The following GMDS variants were observed in gnomAD, a reference collection of about 807,000 sequenced individuals.
GMDS encodes the protein GDP-mannose 4,6 dehydratase.
Under a neutral mutation model 49.9 loss-of-function variants are expected in GMDS, and 20 were observed. The observed-to-expected ratio is 0.40, with a 90% CI of 0.28 to 0.58. GMDS has a LOEUF of 0.58. Among genes scored for constraint, GMDS ranks in the 20% least tolerant of loss-of-function variants. GMDS has a pLI of 0.42. For synonymous variants in GMDS, 177 were observed against 178.6 expected, an observed-to-expected ratio of 0.99 and a Z score of 0.07; for missense variants, 362 against 481.4, an observed-to-expected ratio of 0.75 and a Z score of 2.32.
chr6:2,095,361 C>T (rs1773535850), intron 4 of GMDS, among the ~76,000 whole-genome samples: 1 of 152,252 alleles, frequency 6.6e-6, no homozygotes, highest in Admixed American at 6.5e-5. Context: ...AACTTAAGAA[C>T]ATCTGCCACT....
chr6:2,139,997 G>A (rs1353706595), intron 1 of GMDS, among the ~76,000 whole-genome samples: 1 of 152,178 alleles, frequency 6.6e-6, no homozygotes, highest in African/African-American at 2.4e-5. Flanking sequence ...AGTGTGTTTA[G>A]CCATGAACAG....
chr6:2,159,592 C>T (rs1484443987), intron 1 of GMDS, among the ~76,000 whole-genome samples: 1 of 141,348 alleles, frequency 7.1e-6, no homozygotes, highest in Non-Finnish European at 1.5e-5. Context: ...GATCTCGGCT[C>T]ACTGTAACCT....
intron 7 of GMDS, among the ~76,000 whole-genome samples, chr6:1,889,753 C>T (rs1326531721): frequency 1.3e-5 from 2 of 152,126 alleles, no homozygotes; most frequent in African/African-American, 4.8e-5. Flanking sequence ...AACACTGTAC[C>T]CATTAGCAGT....
At chr6:1,819,947 A>C (rs1209089997) in intron 7 of GMDS, among the ~76,000 whole-genome samples, 2 of 151,780 alleles carry the variant, frequency 1.3e-5, no homozygotes, top group African/African-American at 4.8e-5. Flanking sequence ...TGCTAAGCAG[A>C]AAGTATTACA....
intron 7 of GMDS, among the ~76,000 whole-genome samples, chr6:1,782,949 T>C (rs903759620): frequency 8.6e-5 from 13 of 151,402 alleles, no homozygotes; most frequent in Admixed American, 6.6e-4. Context: ...AGCCCAGGAG[T>C]TTGAGACCAG....
At chr6:1,722,252 G>C (rs200084223) in intron 9 of GMDS, among the ~76,000 whole-genome samples, 13 of 145,438 alleles carry the variant, frequency 8.9e-5, no homozygotes, top group African/African-American at 3.0e-4. Flanking sequence ...ATTAGTAGTA[G>C]TAGTAGTAGT....
intron 9 of GMDS, among the ~76,000 whole-genome samples, chr6:1,707,258 G>C (rs901602777): frequency 3.9e-5 from 6 of 152,160 alleles, no homozygotes; most frequent in African/African-American, 1.4e-4. Flanking sequence ...TGACTTTAAG[G>C]AAGCAAAACC....
At chr6:1,763,292 A>T (rs1768228451) in intron 7 of GMDS, among the ~76,000 whole-genome samples, 1 of 152,222 alleles carries the variant, frequency 6.6e-6, no homozygotes, top group Admixed American at 6.5e-5. Flanking sequence ...CAAAAATGAA[A>T]AAGAACAAAT....
At chr6:2,121,279 A>G (rs187406937) in intron 2 of GMDS, among the ~76,000 whole-genome samples, 1 of 152,232 alleles carries the variant, frequency 6.6e-6, no homozygotes, top group Admixed American at 6.5e-5. Flanking sequence ...TTAAGTGTAT[A>G]GCATAATCAA....
At chr6:1,815,843 T>C (rs571876993) in intron 7 of GMDS, among the ~76,000 whole-genome samples, 2 of 152,366 alleles carry the variant, frequency 1.3e-5, no homozygotes, top group South Asian at 4.1e-4. Flanking sequence ...TTTTACACCT[T>C]ATCCTGATGT....
chr6:1,847,583 C>G (rs1224746281), intron 7 of GMDS, among the ~76,000 whole-genome samples: 1 of 152,190 alleles, frequency 6.6e-6, no homozygotes, highest in Non-Finnish European at 1.5e-5. Context: ...CAATACCAAC[C>G]AACACTTCAA....
chr6:2,198,689 G>A (rs1028164469), intron 1 of GMDS, among the ~76,000 whole-genome samples: 6 of 152,158 alleles, frequency 3.9e-5, no homozygotes, highest in African/African-American at 7.2e-5. Flanking sequence ...TTGCCTGTGC[G>A]AAACTGGAAA....
intron 9 of GMDS, among the ~76,000 whole-genome samples, chr6:1,653,403 T>C (rs1045034997): frequency 6.6e-6 from 1 of 152,198 alleles, no homozygotes; most frequent in Non-Finnish European, 1.5e-5. Flanking sequence ...GTGCAATCCC[T>C]ATCAAAATCC....
chr6:2,030,446 T>C (rs1445471201), intron 4 of GMDS, among the ~76,000 whole-genome samples: 1 of 152,208 alleles, frequency 6.6e-6, no homozygotes, highest in Admixed American at 6.5e-5. Context: ...CAACTTCCAA[T>C]GTTGTCCCAA....
chr6:1,935,708 C>T (rs1035836798), intron 6 of GMDS, among the ~76,000 whole-genome samples: 2 of 152,074 alleles, frequency 1.3e-5, no homozygotes, highest in East Asian at 3.9e-4. Flanking sequence ...AAAAGTATAT[C>T]CATAAGACCG....
At chr6:2,185,743 C>T (rs1364859127) in intron 1 of GMDS, among the ~76,000 whole-genome samples, 1 of 152,116 alleles carries the variant, frequency 6.6e-6, no homozygotes, top group Non-Finnish European at 1.5e-5. Flanking sequence ...CTAACAAATC[C>T]ATAACCCAAT....
At chr6:1,749,343 T>C (rs1366659982) in intron 7 of GMDS, among the ~76,000 whole-genome samples, 1 of 152,130 alleles carries the variant, frequency 6.6e-6, no homozygotes, top group African/African-American at 2.4e-5. Flanking sequence ...ATCTTAGCAC[T>C]TTGGGAGGCT....
At chr6:2,005,061 C>T (rs1767072821) in intron 4 of GMDS, among the ~76,000 whole-genome samples, 1 of 152,056 alleles carries the variant, frequency 6.6e-6, no homozygotes, top group South Asian at 2.1e-4. Flanking sequence ...CTTAAGGGTG[C>T]TTATAAACAA....
intron 4 of GMDS, among the ~76,000 whole-genome samples, chr6:2,051,057 G>A (rs920725158): frequency 2.6e-5 from 4 of 151,840 alleles, no homozygotes; most frequent in Non-Finnish European, 1.5e-5. Flanking sequence ...TGTATACCTA[G>A]GTAACAAACC....
Sources: allele counts gnomAD v4.1 joint callset (sites outside exome capture counted in the v4.1 genomes callset), GRCh38; gene constraint gnomAD v4.1.1; transcripts MANE v1.5; gene names NCBI Gene and HGNC (gene_info 2026-07-23, HGNC 2026-07-21).